Variants in KIAA1549L observed in about 807,000 individuals in gnomAD.
KIAA1549L encodes UPF0606 protein KIAA1549L.
A neutral mutation model predicts 160.7 loss-of-function variants in KIAA1549L; 88 were observed. The ratio of observed to expected loss-of-function variants is 0.55; its 90% CI spans 0.46 to 0.65. The LOEUF is 0.65. Among genes scored for constraint, KIAA1549L ranks in the 30% least tolerant of loss-of-function variants. The pLI is 0.00. For missense variants in KIAA1549L, 2,258 were observed against 2,437.5 expected (o/e 0.93, Z 1.55); for synonymous variants, 950 against 976.7 (o/e 0.97, Z 0.51).
intron 1 of KIAA1549L, among the ~76,000 whole-genome samples, chr11:33,506,113 C>G (rs574101879): frequency 2.0e-5 from 3 of 152,310 alleles, no homozygotes; most frequent in Admixed American, 1.3e-4. Flanking sequence ...GGCAGTCTAA[C>G]TCTAATAACT....
At chr11:33,533,043 G>A (rs192919471) in intron 1 of KIAA1549L, among the ~76,000 whole-genome samples, 1 of 152,174 alleles carries the variant, frequency 6.6e-6, no homozygotes. Context: ...GCAGACTCTG[G>A]GGTCTGTGAT....
intron 1 of KIAA1549L, among the ~76,000 whole-genome samples, chr11:33,393,277 C>G (rs1391076910): frequency 6.6e-6 from 1 of 152,210 alleles, no homozygotes; most frequent in Non-Finnish European, 1.5e-5. Context: ...CAAGACTCAA[C>G]TCAGGTGTTA....
intron 1 of KIAA1549L, among the ~76,000 whole-genome samples, chr11:33,476,138 T>C (rs1294343409): frequency 6.6e-6 from 1 of 152,232 alleles, no homozygotes; most frequent in Non-Finnish European, 1.5e-5. Flanking sequence ...TGTGCTGAAA[T>C]TGGCAAACTG....
intron 1 of KIAA1549L, among the ~76,000 whole-genome samples, chr11:33,536,786 T>G (rs1353981666): frequency 6.6e-6 from 1 of 152,214 alleles, no homozygotes; most frequent in African/African-American, 2.4e-5. Flanking sequence ...TCTGTTTCCA[T>G]CTCCCATGCA....
At chr11:33,499,923 C>T (rs989023660) in intron 1 of KIAA1549L, among the ~76,000 whole-genome samples, 7 of 152,254 alleles carry the variant, frequency 4.6e-5, no homozygotes, top group African/African-American at 1.7e-4. Flanking sequence ...TTTGGTTTGG[C>T]TTTCAAGGCT....
intron 8 of KIAA1549L, among the ~76,000 whole-genome samples, chr11:33,565,882 C>T (rs927638062): frequency 2.0e-5 from 3 of 151,926 alleles, no homozygotes; most frequent in Non-Finnish European, 4.4e-5. Context: ...AGTGTGGTGG[C>T]TCATGCCTGT....
At chr11:33,409,766 C>CTT (rs34301559) in intron 1 of KIAA1549L, among the ~76,000 whole-genome samples, 63 of 132,160 alleles carry the variant, frequency 4.8e-4, no homozygotes, top group African/African-American at 1.5e-3. Flanking sequence ...GTTCTCACCT[C>CTT]TTTTTTTTTT....
intron 1 of KIAA1549L, among the ~76,000 whole-genome samples, chr11:33,433,717 A>G (rs1370197018): frequency 1.3e-5 from 2 of 152,238 alleles, no homozygotes; most frequent in African/African-American, 4.8e-5. Context: ...AGACTGGATA[A>G]AGAAAATGTG....
intron 1 of KIAA1549L, among the ~76,000 whole-genome samples, chr11:33,469,921 C>A (rs760639218): frequency 6.6e-6 from 1 of 152,188 alleles, no homozygotes; most frequent in Non-Finnish European, 1.5e-5. Flanking sequence ...TAGATACAAG[C>A]GTCTTATCAG....
intron 16 of KIAA1549L, among the ~76,000 whole-genome samples, chr11:33,629,902 C>T (rs200784530): frequency 4.4e-5 from 5 of 112,378 alleles, no homozygotes; most frequent in Admixed American, 2.6e-4. Context: ...CTCTGTTTTT[C>T]CCCATCTTTG....
intron 1 of KIAA1549L, among the ~76,000 whole-genome samples, chr11:33,513,360 G>A (rs1403190521): frequency 6.6e-6 from 1 of 152,122 alleles, no homozygotes; most frequent in African/African-American, 2.4e-5. Flanking sequence ...GTTGTCTGCA[G>A]GGAGTCTCTG....
chr11:33,506,520 G>A (rs1054245013), intron 1 of KIAA1549L, among the ~76,000 whole-genome samples: 10 of 152,070 alleles, frequency 6.6e-5, no homozygotes, highest in African/African-American at 1.9e-4. Flanking sequence ...GAGTCCAGGA[G>A]TTCTAGACCA....
chr11:33,414,682 C>T (rs772839971), intron 1 of KIAA1549L, among the ~76,000 whole-genome samples: 2 of 152,266 alleles, frequency 1.3e-5, no homozygotes, highest in South Asian at 2.1e-4. Context: ...CAACAACAAG[C>T]GACCTTTCCC....
intron 1 of KIAA1549L, among the ~76,000 whole-genome samples, chr11:33,504,615 G>T (rs1003751844): frequency 6.6e-6 from 1 of 152,012 alleles, no homozygotes; most frequent in African/African-American, 2.4e-5. Flanking sequence ...CTACAGGTGT[G>T]TGCCACCACA....
In KIAA1549L at chr11:33,646,036, G is replaced by A. The variant is rs771446533; in HGVS notation, c.5760G>A (p.Pro1920=). 51 of 1,551,048 alleles carry A rather than the reference G, an allele frequency of 3.3e-5. No individual in the cohort carries two copies. The highest frequency in any genetic ancestry group is 8.2e-5 in the African/African-American group (6 of 73,248). ...TGTATCAGTACAGTCTGCCCCGGCC[G>A]GTAAGTCATTCATTCCACCCACCTG... ...PEMYQYSLPR[P]AYRFSQLPEM... is the part of the protein sequence containing the mutation. Residue 1920 remains proline, a splice_region_variant and synonymous_variant, in exon 17 of 21, where the codon CCG becomes CCA. Coordinates refer to ENST00000658780, the MANE Select transcript of KIAA1549L (RefSeq NM_012194.3).
chr11:33,505,122 A>G (rs1473417690), intron 1 of KIAA1549L, among the ~76,000 whole-genome samples: 2 of 152,182 alleles, frequency 1.3e-5, no homozygotes, highest in African/African-American at 2.4e-5. Context: ...CCAAAATCAC[A>G]TAGCTTGTAA....
chr11:33,469,437 A>G (rs552607701), intron 1 of KIAA1549L, among the ~76,000 whole-genome samples: 1 of 152,250 alleles, frequency 6.6e-6, no homozygotes, highest in East Asian at 1.9e-4. Flanking sequence ...TGAACATGTG[A>G]ATTTTTTCCA....
At chr11:33,594,540 C>T (rs1433505927) in intron 12 of KIAA1549L, among the ~76,000 whole-genome samples, 1 of 152,192 alleles carries the variant, frequency 6.6e-6, no homozygotes, top group Non-Finnish European at 1.5e-5. Context: ...CAGGCTAGTC[C>T]TGGCTTTCTC....
intron 16 of KIAA1549L, 148 bp from the exon 17 acceptor site, chr11:33,645,538 G>A (rs1851693739): frequency 4.6e-6 from 3 of 645,610 alleles, no homozygotes; most frequent in Admixed American, 5.7e-5. Context: ...CCAGTAGTGT[G>A]AATTCCTAGA....
Sources: allele counts gnomAD v4.1 joint callset (sites outside exome capture counted in the v4.1 genomes callset), GRCh38; gene constraint gnomAD v4.1.1; transcripts MANE v1.5; gene names NCBI Gene and HGNC (gene_info 2026-07-23, HGNC 2026-07-21).